Variants in PTPRN2 observed in about 807,000 individuals in gnomAD.
PTPRN2 encodes receptor-type tyrosine-protein phosphatase N2.
PTPRN2 carries 74 observed loss-of-function variants against 118.8 expected under a neutral mutation model. That is an observed-to-expected ratio of 0.62 (90% confidence interval 0.52 to 0.76). The LOEUF (loss-of-function observed/expected upper bound fraction) is 0.76. Ranked by LOEUF, PTPRN2 falls within the 30% of genes least tolerant of loss-of-function variation. PTPRN2 has a pLI of 0.00. For synonymous variants in PTPRN2, 641 were observed against 608.0 expected (o/e 1.05, Z -0.80); for missense variants, 1,481 against 1,394.4 (o/e 1.06, Z -0.99).
At chr7:158,365,373 G>A (rs1809354417) in intron 2 of PTPRN2, among the ~76,000 whole-genome samples, 1 of 152,090 alleles carries the variant, frequency 6.6e-6, no homozygotes, top group South Asian at 2.1e-4. Flanking sequence ...TTTCCCATCT[G>A]TCTTCCCTTC....
chr7:157,640,117 T>C (rs928313905), intron 14 of PTPRN2, among the ~76,000 whole-genome samples: 17 of 152,186 alleles, frequency 1.1e-4, no homozygotes, highest in African/African-American at 3.1e-4. Flanking sequence ...AAGAGCAGGC[T>C]TAGACCCATG....
chr7:157,786,877 A>G (rs997469990), intron 12 of PTPRN2, among the ~76,000 whole-genome samples: 7 of 152,206 alleles, frequency 4.6e-5, no homozygotes, highest in Non-Finnish European at 8.8e-5. Context: ...CTCAGTGCCC[A>G]CTGTGGGAAG....
Position 158,133,884 on chromosome 7 carries a change from TG to T in PTPRN2, c.1348del (p.Gln450ArgfsTer66). 1 of 1,613,924 alleles carries T rather than the reference TG, an allele frequency of 6.2e-7. No individual in the cohort carries two copies. The highest frequency in any genetic ancestry group is 8.5e-7 in the Non-Finnish European group (1 of 1,180,038). The stretch of plus-strand genomic sequence containing the variant: ...CCCCAGCAGATCTTTGGAATACGTC[TG>T]GCTCTTGACGTTCTCCACTCCGGCA... ...ETAGVENVKSQTYSKDLLGQQ... is the reference protein window; with the variant it reads ...ETAGVENVKSXTYSKDLLGQQ... On this transcript the variant is annotated frameshift_variant, in exon 9 of 23. Coordinates refer to ENST00000389418, the MANE Select transcript of PTPRN2 (RefSeq NM_002847.5). LOFTEE classifies it high-confidence loss of function.
intron 12 of PTPRN2, among the ~76,000 whole-genome samples, chr7:157,748,621 TTGA>T (rs1377457502): frequency 1.5e-4 from 22 of 148,580 alleles, no homozygotes; most frequent in Admixed American, 3.3e-4. Flanking sequence ...CTGTGGGCTG[TTGA>T]CGTGATTCTG....
At chr7:157,742,105 G>A (rs1800667839) in intron 12 of PTPRN2, among the ~76,000 whole-genome samples, 1 of 152,206 alleles carries the variant, frequency 6.6e-6, no homozygotes, top group Non-Finnish European at 1.5e-5. Flanking sequence ...GTGACTGAGT[G>A]TGCTCAATGC....
chr7:158,188,184 C>CCTGTAG (rs1331752050), intron 5 of PTPRN2, among the ~76,000 whole-genome samples: 7 of 117,824 alleles, frequency 5.9e-5, no homozygotes, highest in Admixed American at 9.1e-5. Flanking sequence ...ACGCTCGCCC[C>CCTGTAG]GCGATGGGGA....
chr7:157,970,633 C>T (rs1198453852), intron 11 of PTPRN2, among the ~76,000 whole-genome samples: 5 of 99,612 alleles, frequency 5.0e-5, no homozygotes, highest in Non-Finnish European at 7.7e-5. Flanking sequence ...ACGCTCAGAG[C>T]GGACCCCCCC....
At chr7:158,201,056 G>GTTTT (rs112552696) in intron 4 of PTPRN2, among the ~76,000 whole-genome samples, 1 of 149,396 alleles carries the variant, frequency 6.7e-6, no homozygotes, top group African/African-American at 2.5e-5. Flanking sequence ...AAAAAAAAGT[G>GTTTT]GTTTTTTTTT....
In PTPRN2 at chr7:157,605,993, G is replaced by A. The variant is rs544961309; in HGVS notation, c.2345-1918C>T. 2.6e-5 allele frequency among the ~76,000 whole-genome samples: 4 copies of A among 152,342 alleles called. No homozygotes were observed. In the East Asian group the frequency reaches 7.7e-4, roughly 29 times the overall value. On this transcript the variant is annotated intron_variant, in intron 15 of 22. Coordinates refer to ENST00000389418, the MANE Select transcript of PTPRN2 (RefSeq NM_002847.5). ...TCTCTGTCTCCTGCTGCCATTCATG[G>A]CACCCAGGCTGTTTGTGCCAAGGGG...
chr7:157,718,171 A>G (rs1027934188), intron 12 of PTPRN2, among the ~76,000 whole-genome samples: 1 of 152,258 alleles, frequency 6.6e-6, no homozygotes, highest in Non-Finnish European at 1.5e-5. Context: ...TAAATGTGGG[A>G]TTTGGGAAAG....
At chr7:158,238,613 A>T (rs1379073200) in intron 3 of PTPRN2, among the ~76,000 whole-genome samples, 1 of 152,168 alleles carries the variant, frequency 6.6e-6, no homozygotes, top group African/African-American at 2.4e-5. Flanking sequence ...TCCTTGTCTT[A>T]AACGGGAACT....
chr7:157,986,687 A>C lies in PTPRN2; in HGVS notation c.1724-87950T>G, dbSNP rs1054950846. Among the ~76,000 whole-genome samples, 1 of 152,204 alleles carries C rather than the reference A, an allele frequency of 6.6e-6. No individual in the cohort carries two copies. Among genetic ancestry groups the C allele is most frequent in the Admixed American group, 6.5e-5 (1 of 15,286 alleles). ...GCTTGATTCAAGCCAATAGTGCTAA[A>C]TTAGAAATAATGAAGGCTTCACTCT... On this transcript the variant is annotated intron_variant, in intron 11 of 22. Coordinates refer to ENST00000389418, the MANE Select transcript of PTPRN2 (RefSeq NM_002847.5). This position sits in a 1 kb window ranked among gnomAD's most constrained non-coding sequence, Gnocchi z 4.5.
intron 2 of PTPRN2, among the ~76,000 whole-genome samples, chr7:158,342,114 C>A: frequency 1.3e-5 from 2 of 149,314 alleles, no homozygotes; most frequent in African/African-American, 2.5e-5. Context: ...CACTCACACC[C>A]ACACTCTCAC....
chr7:157,999,001 C>T (rs1297919067), intron 11 of PTPRN2, among the ~76,000 whole-genome samples: 2 of 151,916 alleles, frequency 1.3e-5, no homozygotes, highest in African/African-American at 4.8e-5. Context: ...ACAGTGACCC[C>T]TACAGTGCTG....
At chr7:158,274,386 G>GCAGACAGAGGGGGAGCCA (rs1563074666) in intron 3 of PTPRN2, among the ~76,000 whole-genome samples, 1 of 91,022 alleles carries the variant, frequency 1.1e-5, no homozygotes, top group African/African-American at 5.3e-5. Context: ...AGGGGGAGCC[G>GCAGACAGAGGGGGAGCCA]CAGGCACAGG....
intron 2 of PTPRN2, among the ~76,000 whole-genome samples, chr7:158,452,380 C>T (rs1208501209): frequency 6.6e-6 from 1 of 152,234 alleles, no homozygotes; most frequent in African/African-American, 2.4e-5. Context: ...CACCCAGAAG[C>T]ACTGTCTCCC....
intron 1 of PTPRN2, among the ~76,000 whole-genome samples, chr7:158,568,675 T>C (rs1827798758): frequency 6.6e-6 from 1 of 152,202 alleles, no homozygotes. Context: ...TAGTGGTTTC[T>C]ATTTTTTTCT....
intron 11 of PTPRN2, among the ~76,000 whole-genome samples, chr7:158,051,544 G>GTGTC (rs911760564): frequency 6.6e-5 from 10 of 152,140 alleles, no homozygotes; most frequent in East Asian, 1.9e-4. Context: ...TGCAGTAGCT[G>GTGTC]TGTCTGTCTG....
At position 158,366,071 on chromosome 7, in the gene PTPRN2, GCACACACACACGCA is replaced by G. The variant is rs533226851; in HGVS notation, c.164-49153_164-49140del. On this transcript the variant is annotated intron_variant, in intron 2 of 22. Transcript: ENST00000389418. ...AGAAGCTGCAGCCCAATGCACGCGT[GCACACACACACGCA>G]CACACACACAGCATCCCTAGAAGCT... 8.1e-4 allele frequency among the ~76,000 whole-genome samples: 108 copies of G among 133,816 alleles called. No homozygotes were observed. The South Asian group carries it at 9.5e-3, about 12-fold the overall frequency. The allele number at this position is 133,816 out of a possible 152,430, so 87.8% of individuals were successfully genotyped here.
Sources: gnomAD v4.1 joint callset for allele counts (sites outside exome capture counted in the v4.1 genomes callset) on GRCh38, gnomAD v4.1.1 for gene constraint, Gnocchi (gnomAD v3.1) non-coding constraint, MANE v1.5 for transcripts, NCBI Gene and HGNC (gene_info 2026-07-23, HGNC 2026-07-21) for gene names.